The following FAM81A variants were observed in gnomAD, a reference collection of about 807,000 sequenced individuals.
FAM81A encodes the protein protein FAM81A.
In FAM81A, 19 loss-of-function variants were observed where a neutral mutation model predicts 46.7. That is an observed-to-expected ratio of 0.41 (90% CI 0.28 to 0.60). FAM81A has a LOEUF of 0.60. Ranked by LOEUF, FAM81A falls within the 20% of genes least tolerant of loss-of-function variation. FAM81A has a pLI of 0.34. For missense variants in FAM81A, 377 were observed against 453.5 expected (o/e 0.83, Z 1.53); for synonymous variants, 183 against 152.9 (o/e 1.20, Z -1.45).
chr15:59,498,787 C>G (rs554841801), intron 4 of FAM81A, among the ~76,000 whole-genome samples: 2 of 151,896 alleles, frequency 1.3e-5, no homozygotes, highest in Non-Finnish European at 2.9e-5. Flanking sequence ...CCCGAGTAGC[C>G]GGGATTACAG....
At chr15:59,482,688 A>G (rs2081868457) in intron 3 of FAM81A, among the ~76,000 whole-genome samples, 1 of 152,252 alleles carries the variant, frequency 6.6e-6, no homozygotes, top group South Asian at 2.1e-4. Context: ...TATGTATCCC[A>G]AAGATATTTG....
At position 59,466,832 on chromosome 15, in the gene FAM81A, G is replaced by A. The variant is rs555342568; in HGVS notation, c.294+6626G>A. Among the ~76,000 whole-genome samples, 5 of 152,266 alleles carry A rather than the reference G, an allele frequency of 3.3e-5. No individual in the cohort carries two copies. The South Asian group carries it at 8.3e-4, about 25-fold the overall frequency. ...CTAGGTTTCTTCTAGGGTTTTTAGG[G>A]TTTTTAGGTCTAACATTTAAGTCTT... On this transcript the variant is annotated intron_variant, in intron 3 of 8. Transcript: ENST00000288228.
At chr15:59,424,725 C>T (rs533493572) in intron 2 of FAM81A, among the ~76,000 whole-genome samples, 2 of 152,336 alleles carry the variant, frequency 1.3e-5, no homozygotes, top group Admixed American at 6.5e-5. Context: ...ATCACAAGTT[C>T]GCTGAACTCT....
At chr15:59,423,625 G>T (rs1324925902) in intron 2 of FAM81A, among the ~76,000 whole-genome samples, 1 of 152,032 alleles carries the variant, frequency 6.6e-6, no homozygotes, top group Non-Finnish European at 1.5e-5. Context: ...TAAACTCTTA[G>T]GAAGCAATAA....
intron 3 of FAM81A, among the ~76,000 whole-genome samples, chr15:59,470,662 C>T (rs1403321106): frequency 6.6e-6 from 1 of 152,128 alleles, no homozygotes; most frequent in Non-Finnish European, 1.5e-5. Flanking sequence ...GCTCCTTTAG[C>T]TCAGAGAACT....
intron 2 of FAM81A, among the ~76,000 whole-genome samples, chr15:59,425,917 G>T (rs2081192832): frequency 6.6e-6 from 1 of 152,224 alleles, no homozygotes; most frequent in African/African-American, 2.4e-5. Flanking sequence ...ACTGCACCCA[G>T]CTGGCTATTC....
chr15:59,507,123 G>C, intron 4 of FAM81A, 90 bp from the exon 5 acceptor site: 2 of 1,468,584 alleles, frequency 1.4e-6, no homozygotes, highest in Non-Finnish European at 1.8e-6. Context: ...CTTTCTTTGA[G>C]TGGGTTTTGC....
At chr15:59,482,308 A>T (rs1225743035) in intron 3 of FAM81A, among the ~76,000 whole-genome samples, 1 of 152,100 alleles carries the variant, frequency 6.6e-6, no homozygotes, top group Non-Finnish European at 1.5e-5. Flanking sequence ...TGCTCTTGTC[A>T]TCCAGGCTGG....
chr15:59,514,004 C>G (rs931455362), intron 6 of FAM81A, among the ~76,000 whole-genome samples: 2 of 150,938 alleles, frequency 1.3e-5, no homozygotes, highest in African/African-American at 4.9e-5. Context: ...CATGTTCTTA[C>G]TTATAAGTGG....
At chr15:59,510,709 T>G (rs2082197348) in intron 6 of FAM81A, among the ~76,000 whole-genome samples, 1 of 137,868 alleles carries the variant, frequency 7.3e-6, no homozygotes, top group African/African-American at 2.8e-5. Flanking sequence ...GTCCAGGAGG[T>G]TGAGGCTGTA....
chr15:59,432,026 T>A (rs2081222734), intron 2 of FAM81A, among the ~76,000 whole-genome samples: 2 of 152,232 alleles, frequency 1.3e-5, no homozygotes, highest in African/African-American at 2.4e-5. Flanking sequence ...AACTGCATAA[T>A]ATTAATTTAT....
intron 4 of FAM81A, among the ~76,000 whole-genome samples, chr15:59,494,576 C>T (rs1188785222): frequency 6.6e-6 from 1 of 152,182 alleles, no homozygotes; most frequent in Non-Finnish European, 1.5e-5. Context: ...GTAACAAAAA[C>T]TTTCACTCTA....
At chr15:59,407,800 C>A in intron 2 of FAM81A, 1 of 246,176 alleles carries the variant, frequency 4.1e-6, no homozygotes, top group South Asian at 5.1e-5. Context: ...CTTCTCAGTC[C>A]AGGCCAGCAG....
intron 1 of FAM81A, among the ~76,000 whole-genome samples, chr15:59,441,558 T>A (rs2081297891): frequency 6.6e-6 from 1 of 152,236 alleles, no homozygotes; most frequent in Non-Finnish European, 1.5e-5. Flanking sequence ...CTCTTCTTTG[T>A]CCACTCACCT....
chr15:59,423,126 C>T (rs1422082853), intron 2 of FAM81A, among the ~76,000 whole-genome samples: 1 of 152,102 alleles, frequency 6.6e-6, no homozygotes, highest in Non-Finnish European at 1.5e-5. Context: ...AAGACGGAGT[C>T]TCGCACTGTC....
At chr15:59,431,646 C>A (rs1259129354) in intron 2 of FAM81A, among the ~76,000 whole-genome samples, 1 of 151,928 alleles carries the variant, frequency 6.6e-6, no homozygotes, top group South Asian at 2.1e-4. Context: ...ATTATGGGCA[C>A]CTGCCATGGT....
intron 2 of FAM81A, among the ~76,000 whole-genome samples, chr15:59,417,789 A>G (rs1596462741): frequency 6.6e-6 from 1 of 152,076 alleles, no homozygotes; most frequent in East Asian, 1.9e-4. Flanking sequence ...TTTTTATTAT[A>G]CTTTAAAGTT....
chr15:59,452,214 A>C (rs922309680), intron 1 of FAM81A, among the ~76,000 whole-genome samples: 1 of 152,240 alleles, frequency 6.6e-6, no homozygotes, highest in African/African-American at 2.4e-5. Context: ...TTTGTAGAAC[A>C]AAGGAAAGGA....
At chr15:59,508,278 C>A (rs1596541543) in intron 5 of FAM81A, among the ~76,000 whole-genome samples, 2 of 152,234 alleles carry the variant, frequency 1.3e-5, no homozygotes, top group African/African-American at 4.8e-5. Flanking sequence ...CTGACAAATA[C>A]CATGAATCTT....
Sources: allele counts gnomAD v4.1 joint callset (sites outside exome capture counted in the v4.1 genomes callset), GRCh38; gene constraint gnomAD v4.1.1; transcripts MANE v1.5; gene names NCBI Gene and HGNC (gene_info 2026-07-23, HGNC 2026-07-21).